The following DYM variants were observed in gnomAD, a reference collection of about 807,000 sequenced individuals.
DYM encodes dyggve-Melchior-Clausen syndrome protein.
In DYM, 78 loss-of-function variants were observed where a neutral mutation model predicts 93.1. The ratio of observed to expected loss-of-function variants is 0.84; its 90% CI spans 0.70 to 1.01. The LOEUF (loss-of-function observed/expected upper bound fraction) is 1.01. Among genes scored for constraint, DYM ranks in the 50% least tolerant of loss-of-function variants. The pLI, the probability that DYM is intolerant of heterozygous loss-of-function variation, is 0.00. For synonymous variants in DYM, 321 were observed against 319.7 expected (o/e 1.00, Z -0.04); for missense variants, 789 against 845.0 (o/e 0.93, Z 0.82).
intron 14 of DYM, among the ~76,000 whole-genome samples, chr18:49,186,100 A>C (rs561392779): frequency 6.6e-6 from 1 of 152,308 alleles, no homozygotes; most frequent in African/African-American, 2.4e-5. Flanking sequence ...CCCAGTTTAC[A>C]CATTTTGTCT....
chr18:49,067,333 A>G (rs896773859), intron 17 of DYM, among the ~76,000 whole-genome samples: 4 of 95,518 alleles, frequency 4.2e-5, no homozygotes, highest in African/African-American at 8.1e-5. Flanking sequence ...GTGATGTGTT[A>G]TGGAGATTCA....
intron 2 of DYM, among the ~76,000 whole-genome samples, chr18:49,416,720 T>C (rs1486394222): frequency 1.3e-5 from 2 of 152,144 alleles, no homozygotes; most frequent in African/African-American, 2.4e-5. Context: ...CCTGCCCTAG[T>C]TTTTCTTCCT....
chr18:49,076,756 C>G (rs2077342330), intron 17 of DYM, among the ~76,000 whole-genome samples: 1 of 152,210 alleles, frequency 6.6e-6, no homozygotes, highest in Non-Finnish European at 1.5e-5. Flanking sequence ...GAAAAATCTT[C>G]TCATTGCACA....
chr18:49,146,618 T>C (rs982236891), intron 15 of DYM, among the ~76,000 whole-genome samples: 22 of 151,966 alleles, frequency 1.4e-4, no homozygotes, highest in East Asian at 3.9e-4. Context: ...GAATAAAATA[T>C]CTAGGAATCC....
At chr18:49,191,818 A>C (rs1422604272) in intron 14 of DYM, among the ~76,000 whole-genome samples, 1 of 152,234 alleles carries the variant, frequency 6.6e-6, no homozygotes, top group Non-Finnish European at 1.5e-5. Context: ...GGCAAAGCTA[A>C]TGAAATCATA....
intron 1 of DYM, among the ~76,000 whole-genome samples, chr18:49,459,462 TTCTTC>T (rs1228765955): frequency 3.9e-5 from 6 of 152,088 alleles, no homozygotes; most frequent in Admixed American, 1.3e-4. Flanking sequence ...TTCCACCTCG[TTCTTC>T]TCTTGAGCCC....
At chr18:49,230,183 T>C (rs139695611) in intron 13 of DYM, among the ~76,000 whole-genome samples, 1 of 152,090 alleles carries the variant, frequency 6.6e-6, no homozygotes, top group African/African-American at 2.4e-5. Flanking sequence ...AAAAGGGAAA[T>C]TTTCTACATG....
chr18:49,053,600 C>T (rs357894), intron 17 of DYM, among the ~76,000 whole-genome samples: 85,683 of 151,978 alleles, frequency 0.56, 24,641 homozygotes, highest in Admixed American at 0.67. Context: ...ACAGACAGCA[C>T]GTGCAGGGCT....
Position 49,039,365 on chromosome 18 carries a change from A to G in DYM, c.*4690T>C, listed in dbSNP as rs566457035. Among the ~76,000 whole-genome samples, 13 of 152,264 alleles carry G rather than the reference A, an allele frequency of 8.5e-5. No individual in the cohort carries two copies. Among genetic ancestry groups the G allele is most frequent in the African/African-American group, 2.9e-4 (12 of 41,570 alleles). On this transcript the variant is annotated 3_prime_UTR_variant, in exon 18 of 18. Transcript: ENST00000675505. The stretch of plus-strand genomic sequence containing the variant: ...TTCTTTGGTCTTCAACAGTTTTACT[A>G]TGATGTTTCTAGGTGTGGGTTGTTT...
intron 14 of DYM, among the ~76,000 whole-genome samples, chr18:49,175,274 G>A (rs1054138961): frequency 1.3e-5 from 2 of 152,010 alleles, no homozygotes; most frequent in African/African-American, 4.8e-5. Context: ...CTTTTCTATC[G>A]TTCTTACTCC....
At chr18:49,077,565 G>A (rs950214130) in intron 17 of DYM, among the ~76,000 whole-genome samples, 3 of 152,278 alleles carry the variant, frequency 2.0e-5, no homozygotes, top group African/African-American at 7.2e-5. Context: ...TGGTCTAGAC[G>A]TTCTACCAGT....
intron 16 of DYM, among the ~76,000 whole-genome samples, chr18:49,117,323 TTC>T (rs1219995650): frequency 6.6e-6 from 1 of 152,168 alleles, no homozygotes; most frequent in East Asian, 1.9e-4. Context: ...TAATATTAAT[TTC>T]TGTTTACCAG....
chr18:49,218,367 A>G (rs1210951090), intron 13 of DYM, among the ~76,000 whole-genome samples: 1 of 152,238 alleles, frequency 6.6e-6, no homozygotes, highest in Non-Finnish European at 1.5e-5. Flanking sequence ...GTTAACAAGG[A>G]TATCCAGGAA....
At chr18:49,046,452 C>T (rs1031239824) in intron 17 of DYM, among the ~76,000 whole-genome samples, 1 of 150,508 alleles carries the variant, frequency 6.6e-6, no homozygotes, top group Non-Finnish European at 1.5e-5. Context: ...TACCCACACA[C>T]TCACATGCAG....
chr18:49,404,507 T>C (rs2071227480), intron 2 of DYM, among the ~76,000 whole-genome samples: 2 of 152,252 alleles, frequency 1.3e-5, no homozygotes, highest in African/African-American at 4.8e-5. Flanking sequence ...CTGCTTTCCA[T>C]GGTGGCTGAA....
At chr18:49,412,221 A>G (rs2072328354) in intron 2 of DYM, among the ~76,000 whole-genome samples, 1 of 143,196 alleles carries the variant, frequency 7.0e-6, no homozygotes, top group South Asian at 2.3e-4. Context: ...CCCAAGAAAG[A>G]GAAAAACATT....
chr18:49,442,941 T>G (rs1161355528), intron 1 of DYM, among the ~76,000 whole-genome samples: 1 of 151,838 alleles, frequency 6.6e-6, no homozygotes, highest in East Asian at 1.9e-4. Context: ...CACTGCAACC[T>G]TTGCCTCCCG....
chr18:49,097,153 T>A (rs2079616065), intron 17 of DYM: 1 of 554,656 alleles, frequency 1.8e-6, no homozygotes, highest in South Asian at 2.1e-5. Flanking sequence ...GTTAAAAAAA[T>A]AAGGTGTCCT....
At position 49,119,677 on chromosome 18, in the gene DYM, CA is replaced by C. The variant is rs1223305356; in HGVS notation, c.1729-752del. On this transcript the variant is annotated intron_variant, in intron 15 of 17. Transcript: ENST00000675505. ...AAGGTGGTTAAGGGATTTAAAAGGA[CA>C]AAGGTTTCTACAACTCACTTGAACT... Among the ~76,000 whole-genome samples the C allele has an allele frequency of 2.6e-5, 4 of 152,200 alleles. No individual in the cohort carries two copies. In the East Asian group the frequency reaches 7.7e-4, roughly 29 times the overall value.
Sources: allele counts gnomAD v4.1 joint callset (sites outside exome capture counted in the v4.1 genomes callset), GRCh38; gene constraint gnomAD v4.1.1; transcripts MANE v1.5; gene names NCBI Gene and HGNC (gene_info 2026-07-23, HGNC 2026-07-21).